The following RALGPS1 variants were observed in gnomAD, a reference collection of about 807,000 sequenced individuals.
RALGPS1 encodes the protein ras-specific guanine nucleotide-releasing factor RalGPS1.
Under a neutral mutation model 78.8 loss-of-function variants are expected in RALGPS1, and 19 were observed. That is an observed-to-expected ratio of 0.24 (90% CI 0.17 to 0.35). The LOEUF (loss-of-function observed/expected upper bound fraction) is 0.35. RALGPS1 is among the 10% of genes least tolerant of loss of function. The pLI, the probability that RALGPS1 is intolerant of heterozygous loss-of-function variation, is 1.00. For synonymous variants in RALGPS1, 228 were observed against 256.3 expected, an observed-to-expected ratio of 0.89 and a Z score of 1.06; for missense variants, 454 against 688.3, an observed-to-expected ratio of 0.66 and a Z score of 3.81.
chr9:127,107,894 C>T, intron 8 of RALGPS1: 3 of 1,517,328 alleles, frequency 2.0e-6, no homozygotes, highest in Non-Finnish European at 2.7e-6. Context: ...CCACATGTAA[C>T]ACGATCCCAG....
At chr9:127,055,669 C>A (rs1398622579) in intron 7 of RALGPS1, among the ~76,000 whole-genome samples, 1 of 152,212 alleles carries the variant, frequency 6.6e-6, no homozygotes, top group Non-Finnish European at 1.5e-5. Context: ...GGGCTAGGAT[C>A]AAACCTAAGC....
chr9:127,202,635 G>GGT (rs2061695585), intron 14 of RALGPS1, among the ~76,000 whole-genome samples: 1 of 152,164 alleles, frequency 6.6e-6, no homozygotes, highest in Non-Finnish European at 1.5e-5. Flanking sequence ...GATGCAGGGA[G>GGT]GTGTTTGTTA....
intron 3 of RALGPS1, among the ~76,000 whole-genome samples, chr9:126,966,520 C>CAAAAA (rs756980868): frequency 5.6e-5 from 3 of 53,452 alleles, no homozygotes; most frequent in Non-Finnish European, 8.0e-5. Flanking sequence ...AACCCTGTCT[C>CAAAAA]AAAAAAAAAA....
chr9:126,982,784 C>CTCT (rs372888642), intron 4 of RALGPS1, among the ~76,000 whole-genome samples: 53 of 149,538 alleles, frequency 3.5e-4, no homozygotes, highest in Non-Finnish European at 4.9e-4. Flanking sequence ...CTTCTTCTTC[C>CTCT]TCTTCTTCTT....
At chr9:127,195,656 C>T (rs138950394) in intron 12 of RALGPS1, among the ~76,000 whole-genome samples, 1,619 of 152,328 alleles carry the variant, frequency 0.011, 17 homozygotes, top group Non-Finnish European at 0.016. Context: ...TCCTGTGAGG[C>T]CCATAGCTGG....
chr9:127,014,090 A>G (rs1441243555), intron 4 of RALGPS1, among the ~76,000 whole-genome samples: 1 of 152,190 alleles, frequency 6.6e-6, no homozygotes, highest in Non-Finnish European at 1.5e-5. Flanking sequence ...GGCATTACTG[A>G]TTAAAGGATG....
chr9:127,210,934 G>A (rs1278239314), intron 14 of RALGPS1, among the ~76,000 whole-genome samples: 4 of 152,226 alleles, frequency 2.6e-5, no homozygotes, highest in African/African-American at 7.2e-5. Flanking sequence ...CAGAGGAGGT[G>A]AGGGGCACTC....
chr9:127,217,519 A>G (rs1005492401), intron 18 of RALGPS1: 62 of 749,212 alleles, frequency 8.3e-5, no homozygotes, highest in Non-Finnish European at 9.9e-5. Context: ...TTTTATTAAC[A>G]CTGAATACAC....
chr9:126,990,860 C>T (rs1029283281), intron 4 of RALGPS1, among the ~76,000 whole-genome samples: 16 of 152,190 alleles, frequency 1.1e-4, no homozygotes, highest in African/African-American at 3.9e-4. Flanking sequence ...TGATCTAATG[C>T]AGTGCCTGAT....
chr9:127,120,532 T>A (rs1283998666), intron 8 of RALGPS1, among the ~76,000 whole-genome samples: 2 of 152,296 alleles, frequency 1.3e-5, no homozygotes, highest in African/African-American at 2.4e-5. Flanking sequence ...GGGAAAGAAT[T>A]TGGGTCTCTG....
intron 18 of RALGPS1, chr9:127,216,793 G>A (rs2062606183): frequency 9.3e-6 from 9 of 972,886 alleles, no homozygotes; most frequent in Non-Finnish European, 8.3e-6. Context: ...GAGAGGAAGA[G>A]CATCCTGGCC....
chr9:126,926,039 T>G (rs1306841019), intron 1 of RALGPS1, among the ~76,000 whole-genome samples: 1 of 152,252 alleles, frequency 6.6e-6, no homozygotes, highest in Admixed American at 6.5e-5. Context: ...GGACAAATTA[T>G]GTAGTTGCTG....
chr9:126,947,928 G>A (rs1456234533), intron 1 of RALGPS1, among the ~76,000 whole-genome samples: 2 of 152,196 alleles, frequency 1.3e-5, no homozygotes, highest in Non-Finnish European at 2.9e-5. Flanking sequence ...ATAGCTTTTT[G>A]TTACAGAAGG....
At chr9:126,924,695 G>A (rs687642) in intron 1 of RALGPS1, among the ~76,000 whole-genome samples, 4,172 of 152,326 alleles carry the variant, frequency 0.027, 52 homozygotes, top group Middle Eastern at 0.048. Context: ...ATAACTGAAG[G>A]TAGTCTTATT....
chr9:127,173,919 A>G (rs2059696656), intron 10 of RALGPS1, among the ~76,000 whole-genome samples: 1 of 152,162 alleles, frequency 6.6e-6, no homozygotes, highest in Non-Finnish European at 1.5e-5. Flanking sequence ...AGGCTGAGGT[A>G]TGAGAATCGC....
intron 8 of RALGPS1, among the ~76,000 whole-genome samples, chr9:127,153,250 A>G (rs1176970335): frequency 6.6e-6 from 1 of 152,136 alleles, no homozygotes; most frequent in Non-Finnish European, 1.5e-5. Flanking sequence ...GAGCAGATGA[A>G]TGAACTCTGT....
At chr9:127,138,806 G>A (rs1482929014) in intron 8 of RALGPS1, among the ~76,000 whole-genome samples, 2 of 152,138 alleles carry the variant, frequency 1.3e-5, no homozygotes, top group Non-Finnish European at 2.9e-5. Context: ...TGCAGGAAAA[G>A]CCTGATGTGA....
chr9:126,990,803 T>G (rs555581553), intron 4 of RALGPS1, among the ~76,000 whole-genome samples: 1 of 152,356 alleles, frequency 6.6e-6, no homozygotes, highest in South Asian at 2.1e-4. Flanking sequence ...GTTTGTGAAC[T>G]CCAGGAATGC....
intron 8 of RALGPS1, among the ~76,000 whole-genome samples, chr9:127,132,740 T>G (rs1163499094): frequency 1.3e-5 from 2 of 152,228 alleles, no homozygotes; most frequent in African/African-American, 4.8e-5. Flanking sequence ...TTTTCTAAAT[T>G]GGGGATTATA....
Sources: allele counts gnomAD v4.1 joint callset (sites outside exome capture counted in the v4.1 genomes callset), GRCh38; gene constraint gnomAD v4.1.1; transcripts MANE v1.5; gene names NCBI Gene and HGNC (gene_info 2026-07-23, HGNC 2026-07-21).